The following C8orf34 variants were observed in gnomAD, a reference collection of about 807,000 sequenced individuals.
The protein encoded by C8orf34 is uncharacterized protein C8orf34.
A neutral mutation model predicts 68.3 loss-of-function variants in C8orf34; 65 were observed. The ratio of observed to expected loss-of-function variants is 0.95; its 90% confidence interval spans 0.78 to 1.17. The LOEUF (loss-of-function observed/expected upper bound fraction) is 1.17. Ranked by LOEUF, C8orf34 falls within the 50% of genes most tolerant of loss-of-function variation. C8orf34 has a pLI of 0.00. For synonymous variants in C8orf34, 244 were observed against 241.2 expected (o/e 1.01, Z -0.11); for missense variants, 664 against 655.4 (o/e 1.01, Z -0.14).
chr8:68,346,015 C>T (rs1806267301), intron 1 of C8orf34, among the ~76,000 whole-genome samples: 2 of 152,058 alleles, frequency 1.3e-5, no homozygotes, highest in South Asian at 4.1e-4. Flanking sequence ...CACCCTGTCC[C>T]CCACATCTAT....
At chr8:68,647,916 C>A (rs1160090028) in intron 8 of C8orf34, among the ~76,000 whole-genome samples, 1 of 152,080 alleles carries the variant, frequency 6.6e-6, no homozygotes. Context: ...CATTGTTTGG[C>A]AAGTGGGAAA....
intron 9 of C8orf34, 97 bp downstream of exon 9, chr8:68,709,176 A>G (rs1428399878): frequency 1.1e-6 from 1 of 872,076 alleles, no homozygotes. Context: ...CTTGCCTTGC[A>G]TGAATTCACT....
chr8:68,549,764 T>C (rs1816003470), intron 7 of C8orf34, among the ~76,000 whole-genome samples: 1 of 151,736 alleles, frequency 6.6e-6, no homozygotes, highest in Non-Finnish European at 1.5e-5. Context: ...TCTCATCTTG[T>C]GTATTTTGAT....
At chr8:68,784,884 T>C (rs1823802255) in intron 11 of C8orf34, among the ~76,000 whole-genome samples, 1 of 152,076 alleles carries the variant, frequency 6.6e-6, no homozygotes, top group African/African-American at 2.4e-5. Flanking sequence ...ATCTTGTACA[T>C]TTCCTCCCTC....
At chr8:68,522,896 T>G (rs150816542) in intron 6 of C8orf34, among the ~76,000 whole-genome samples, 39 of 152,324 alleles carry the variant, frequency 2.6e-4, no homozygotes, top group African/African-American at 8.7e-4. Context: ...CCACAGTAAC[T>G]TGGCATTTTC....
intron 10 of C8orf34, among the ~76,000 whole-genome samples, chr8:68,762,854 C>G (rs901332940): frequency 1.1e-4 from 17 of 152,296 alleles, no homozygotes; most frequent in African/African-American, 2.2e-4. Context: ...TGGGGCTCTT[C>G]TAGTCCCCAA....
intron 7 of C8orf34, among the ~76,000 whole-genome samples, chr8:68,597,786 T>G (rs1294234927): frequency 2.6e-5 from 4 of 152,168 alleles, no homozygotes; most frequent in Non-Finnish European, 5.9e-5. Context: ...AAGAGTAACT[T>G]TATTCCTGCT....
chr8:68,462,408 C>A (rs993324127), intron 3 of C8orf34, among the ~76,000 whole-genome samples: 31 of 152,086 alleles, frequency 2.0e-4, no homozygotes, highest in Middle Eastern at 6.8e-3. Context: ...CAAGGATACC[C>A]AGGAATTGAA....
chr8:68,529,578 G>A (rs1563510586), intron 6 of C8orf34, among the ~76,000 whole-genome samples: 2 of 152,146 alleles, frequency 1.3e-5, no homozygotes, highest in African/African-American at 4.8e-5. Flanking sequence ...TGAAGTATTT[G>A]ATAACAGGGT....
chr8:68,360,755 T>TA lies in C8orf34; in HGVS notation c.327+29416_327+29417insA, dbSNP rs1585982518. ...TATTTCCCTTTTCCTTTTCTTCCTT[T>TA]CTTTTTTTTTTTTTTTTTCTTGAGC... On this transcript the variant is annotated intron_variant, in intron 1 of 13. Transcript: ENST00000518698. Among the ~76,000 whole-genome samples, 6 of 145,270 alleles carry TA rather than the reference T, an allele frequency of 4.1e-5. No individual in the cohort carries two copies. The South Asian group carries it at 6.6e-4, about 16-fold the overall frequency.
chr8:68,558,336 C>T (rs1816315911), intron 7 of C8orf34, among the ~76,000 whole-genome samples: 1 of 149,470 alleles, frequency 6.7e-6, no homozygotes, highest in Admixed American at 6.6e-5. Flanking sequence ...GATTACTAAT[C>T]TTAAATAGAA....
At chr8:68,738,855 T>A (rs181238512) in intron 10 of C8orf34, among the ~76,000 whole-genome samples, 13 of 152,164 alleles carry the variant, frequency 8.5e-5, no homozygotes, top group Admixed American at 8.5e-4. Flanking sequence ...CTACCAGATG[T>A]ACAAAGAAAA....
chr8:68,471,065 T>G (rs1020519959), intron 4 of C8orf34, among the ~76,000 whole-genome samples: 2 of 152,080 alleles, frequency 1.3e-5, no homozygotes, highest in African/African-American at 2.4e-5. Flanking sequence ...TATAGGACAT[T>G]ACTCTTGGGA....
chr8:68,466,926 T>C (rs1040822086), intron 3 of C8orf34, among the ~76,000 whole-genome samples: 2 of 151,736 alleles, frequency 1.3e-5, no homozygotes, highest in East Asian at 3.9e-4. Context: ...GTCCTTACCA[T>C]ATAAATATTT....
At chr8:68,494,929 T>C (rs1015080107) in intron 5 of C8orf34, among the ~76,000 whole-genome samples, 1 of 150,850 alleles carries the variant, frequency 6.6e-6, no homozygotes. Flanking sequence ...TCTCAAAAAA[T>C]ATATATATAT....
intron 5 of C8orf34, among the ~76,000 whole-genome samples, chr8:68,520,930 G>C (rs1007938443): frequency 1.3e-5 from 2 of 152,124 alleles, no homozygotes; most frequent in African/African-American, 4.8e-5. Flanking sequence ...AATGCAAAAA[G>C]AAGAAACTAA....
At chr8:68,762,688 T>C (rs11992205) in intron 10 of C8orf34, among the ~76,000 whole-genome samples, 30 of 152,346 alleles carry the variant, frequency 2.0e-4, no homozygotes, top group African/African-American at 7.0e-4. Context: ...GTTCTAAAGA[T>C]GGGCATACCT....
chr8:68,414,781 G>A (rs1173466659), intron 1 of C8orf34, among the ~76,000 whole-genome samples: 1 of 152,160 alleles, frequency 6.6e-6, no homozygotes, highest in Non-Finnish European at 1.5e-5. Context: ...TTTATTAGGT[G>A]TGGTTCCTAT....
Position 68,721,423 on chromosome 8 carries a change from A to G in C8orf34, c.1390A>G (p.Lys464Glu). Reference sequence around the variant, plus strand: ...GGGTGACGAATTTGAGAAAGCATCTAAACTAACAGGACCTGTAAGTATATT... The same window carrying G: ...GGGTGACGAATTTGAGAAAGCATCTGAACTAACAGGACCTGTAAGTATATT... ...EEGDEFEKAS[K>E]LTGPGEASSG... The change falls in exon 10 of 14, where the codon AAA (lysine) becomes GAA (glutamate). Residue 464 changes from lysine to glutamate, a missense_variant. By Grantham distance (56) the Lys-to-Glu change is moderately conservative. Coordinates refer to ENST00000518698, the MANE Select transcript of C8orf34 (RefSeq NM_052958.4). The G allele has an allele frequency of 6.2e-7, 1 of 1,606,568 alleles. No individual in the cohort carries two copies. Among genetic ancestry groups the G allele is most frequent in the Non-Finnish European group, 8.5e-7 (1 of 1,174,358 alleles).
Sources: allele counts gnomAD v4.1 joint callset (sites outside exome capture counted in the v4.1 genomes callset), GRCh38; gene constraint gnomAD v4.1.1; transcripts MANE v1.5; gene names NCBI Gene and HGNC (gene_info 2026-07-23, HGNC 2026-07-21).